The following REL variants were observed in gnomAD, a reference collection of about 807,000 sequenced individuals.
The protein encoded by REL is proto-oncogene c-Rel.
In REL, 15 loss-of-function variants were observed where a neutral mutation model predicts 45.9. The ratio of observed to expected loss-of-function variants is 0.33; its 90% CI spans 0.22 to 0.50. REL has a LOEUF of 0.50. Ranked by LOEUF, REL falls within the 20% of genes least tolerant of loss-of-function variation. The pLI is 0.98. For synonymous variants in REL, 239 were observed against 242.1 expected (o/e 0.99, Z 0.12); for missense variants, 601 against 715.2 (o/e 0.84, Z 1.82).
intron 1 of REL, among the ~76,000 whole-genome samples, chr2:60,890,750 A>G (rs895836348): frequency 2.0e-5 from 3 of 152,168 alleles, no homozygotes; most frequent in African/African-American, 7.2e-5. Flanking sequence ...TATGTATACA[A>G]CCCTGGAATC....
chr2:60,918,349 T>A (rs1674039566), intron 6 of REL, 45 bp from the exon 7 acceptor site: 1 of 1,570,920 alleles, frequency 6.4e-7, no homozygotes, highest in Admixed American at 1.8e-5. Context: ...TAGATGCAGT[T>A]ACTTTGTTTT....
chr2:60,886,880 T>A (rs1673085006), intron 1 of REL, among the ~76,000 whole-genome samples: 1 of 152,196 alleles, frequency 6.6e-6, no homozygotes, highest in Non-Finnish European at 1.5e-5. Flanking sequence ...TAGAAGTTAT[T>A]CTGATGTATA....
At chr2:60,901,525 G>A (rs988136291) in intron 4 of REL, among the ~76,000 whole-genome samples, 1 of 152,060 alleles carries the variant, frequency 6.6e-6, no homozygotes, top group African/African-American at 2.4e-5. Flanking sequence ...ACATGTACCT[G>A]TATCTGAGGA....
At chr2:60,882,056 T>C (rs928205414) in intron 1 of REL, among the ~76,000 whole-genome samples, 1 of 152,230 alleles carries the variant, frequency 6.6e-6, no homozygotes, top group Non-Finnish European at 1.5e-5. Context: ...AATTCGATCC[T>C]GTTGTCATAG....
intron 2 of REL, 74 bp downstream of exon 2, chr2:60,891,899 G>C: frequency 7.5e-7 from 1 of 1,341,324 alleles, no homozygotes; most frequent in Non-Finnish European, 9.9e-7. Flanking sequence ...TATTTTAAAG[G>C]GCCAGTTTCT....
intron 1 of REL, among the ~76,000 whole-genome samples, chr2:60,888,132 T>A (rs1558786198): frequency 6.6e-6 from 1 of 152,118 alleles, no homozygotes; most frequent in Non-Finnish European, 1.5e-5. Flanking sequence ...TTTCACCATG[T>A]TTTCCAGGCT....
chr2:60,916,534 G>A (rs547835096), intron 4 of REL, among the ~76,000 whole-genome samples: 3 of 152,212 alleles, frequency 2.0e-5, no homozygotes, highest in African/African-American at 7.2e-5. Context: ...ATACATACTT[G>A]TTGAATGAAT....
intron 3 of REL, among the ~76,000 whole-genome samples, chr2:60,897,250 CTT>C (rs1159186488): frequency 6.6e-6 from 1 of 150,938 alleles, no homozygotes; most frequent in African/African-American, 2.4e-5. Flanking sequence ...TCTTTGAGCA[CTT>C]TTTTACTTTC....
chr2:60,912,016 AAAAGT>A (rs897589782), intron 4 of REL, among the ~76,000 whole-genome samples: 2 of 151,452 alleles, frequency 1.3e-5, no homozygotes, highest in Non-Finnish European at 2.9e-5. Flanking sequence ...AAAAAAAAAA[AAAAGT>A]CATTTTCCCC....
At chr2:60,909,950 A>G (rs2103965056) in intron 4 of REL, among the ~76,000 whole-genome samples, 1 of 152,190 alleles carries the variant, frequency 6.6e-6, no homozygotes, top group South Asian at 2.1e-4. Context: ...TTGCCTTGTT[A>G]TTTATTTTTA....
chr2:60,907,011 C>T (rs2103959623), intron 4 of REL, among the ~76,000 whole-genome samples: 1 of 151,258 alleles, frequency 6.6e-6, no homozygotes, highest in South Asian at 2.1e-4. Context: ...CCTCCACCTC[C>T]CAGGTTCAAG....
intron 3 of REL, 54 bp from the exon 4 acceptor site, chr2:60,900,938 G>A: frequency 6.9e-7 from 1 of 1,443,190 alleles, no homozygotes; most frequent in Non-Finnish European, 9.6e-7. Context: ...TTTGATTTTT[G>A]CAATATTCCT....
chr2:60,920,009 T>A (rs1271768150), intron 7 of REL, 32 bp from the exon 8 acceptor site: 1 of 1,454,700 alleles, frequency 6.9e-7, no homozygotes, highest in South Asian at 1.2e-5. Context: ...CCTATAATTT[T>A]TTATCTGCTT....
intron 3 of REL, among the ~76,000 whole-genome samples, chr2:60,895,356 A>G (rs1231643556): frequency 2.0e-5 from 3 of 151,292 alleles, no homozygotes; most frequent in Non-Finnish European, 4.4e-5. Context: ...TAATTTTTGT[A>G]TTTTTTGTAG....
In REL at chr2:60,918,423, G is replaced by T. The variant is rs188947380; in HGVS notation, c.670G>T (p.Asp224Tyr). The T allele has an allele frequency of 1.1e-5, 18 of 1,612,904 alleles. No homozygotes were observed. Among genetic ancestry groups the T allele is most frequent in the Non-Finnish European group, 8.5e-7 (1 of 1,179,844 alleles). ...CATAGAAGTTCGTTTTGTGTTGAAC[G>T]ATTGGGAAGCAAAAGGCATCTTTTC... The part of the protein sequence containing the change: ...DDIEVRFVLN[D>Y]WEAKGIFSQA... Residue 224 changes from aspartate to tyrosine, a missense_variant, in exon 7 of 10, where the codon GAT (aspartate) becomes TAT (tyrosine). By Grantham distance (160) the Asp-to-Tyr change is radical. This residue lies in a region of REL where 241 missense variants were observed against 347.0 expected (regional missense o/e 0.69). Transcript: ENST00000394479.
At chr2:60,903,106 A>G (rs1673541391) in intron 4 of REL, among the ~76,000 whole-genome samples, 1 of 152,224 alleles carries the variant, frequency 6.6e-6, no homozygotes, top group African/African-American at 2.4e-5. Flanking sequence ...GATGCAATAT[A>G]AAACAAGGAA....
chr2:60,919,969 A>G (rs1573345917), intron 7 of REL, 72 bp from the exon 8 acceptor site: 2 of 946,022 alleles, frequency 2.1e-6, no homozygotes, highest in Middle Eastern at 2.6e-4. Context: ...TGTGAATAAA[A>G]TATTTGTTTA....
intron 4 of REL, among the ~76,000 whole-genome samples, chr2:60,916,665 A>T (rs981611963): frequency 3.3e-5 from 5 of 152,204 alleles, no homozygotes; most frequent in Non-Finnish European, 7.3e-5. Flanking sequence ...TTACTTCCTG[A>T]ACATGGCTAT....
intron 9 of REL, among the ~76,000 whole-genome samples, chr2:60,921,404 G>A (rs917927975): frequency 1.3e-5 from 2 of 151,886 alleles, no homozygotes; most frequent in Non-Finnish European, 2.9e-5. Context: ...AGATGATTTT[G>A]GCTATTTGGA....
Sources: allele counts gnomAD v4.1 joint callset (sites outside exome capture counted in the v4.1 genomes callset), GRCh38; gene constraint gnomAD v4.1.1; regional missense constraint gnomAD v4.1.1; transcripts MANE v1.5; gene names NCBI Gene and HGNC (gene_info 2026-07-23, HGNC 2026-07-21).